The following CCDC51 variants were observed in gnomAD, a reference collection of about 807,000 sequenced individuals.
The protein encoded by CCDC51 is coiled-coil domain containing 51, also known as mitochondrial potassium channel.
Under a neutral mutation model 24.8 loss-of-function variants are expected in CCDC51, and 25 were observed. The ratio of observed to expected loss-of-function variants is 1.01; its 90% CI spans 0.73 to 1.41. The LOEUF is 1.41. CCDC51 is among the 40% of genes most tolerant of loss of function. CCDC51 has a pLI of 0.00. For synonymous variants in CCDC51, 190 were observed against 204.3 expected, an observed-to-expected ratio of 0.93 and a Z score of 0.60; for missense variants, 466 against 519.1, an observed-to-expected ratio of 0.90 and a Z score of 0.99.
upstream of CCDC51, chr3:48,440,335 G>A (rs779673719): frequency 1.2e-6 from 2 of 1,611,880 alleles, no homozygotes; most frequent in South Asian, 2.2e-5. Context: ...GAACCGTGAG[G>A]ACTGCGGGGA....
At chr3:48,445,664 C>G in the CCDC51 span, among the ~76,000 whole-genome samples, 1 of 152,236 alleles carries the variant, frequency 6.6e-6, no homozygotes, top group African/African-American at 2.4e-5. Context: ...CTACCAGTTG[C>G]TCCAAAAAAT....
chr3:48,443,838 TC>T (rs1343095656), upstream of CCDC51: 19 of 1,561,430 alleles, frequency 1.2e-5, no homozygotes, highest in East Asian at 1.2e-4. Flanking sequence ...TGACTATTTT[TC>T]TTTTGCAGCC....
At position 48,433,308 on chromosome 3, in the gene CCDC51, A is replaced by G. The variant is rs1338126061; in HGVS notation, c.478-142T>C. 6 of 813,412 alleles carry G rather than the reference A, an allele frequency of 7.4e-6. No individual in the cohort carries two copies. Among genetic ancestry groups the G allele is most frequent in the Admixed American group, 2.8e-5 (1 of 36,144 alleles). The allele number at this position is 813,412 out of a possible 1,614,324, so 50.4% of individuals were successfully genotyped here. A position where few individuals can be genotyped will look rare whatever the true frequency, so the allele number is the denominator to read the frequency against. Reference sequence around the variant, plus strand: ...ATGCTGAATGAATGAAGGTAGCACCAACCTGGCTGGGTCAGAAGGGCAAAG... The same window carrying G: ...ATGCTGAATGAATGAAGGTAGCACCGACCTGGCTGGGTCAGAAGGGCAAAG... On this transcript the variant is annotated intron_variant, in intron 3 of 3. Transcript: ENST00000395694. The surrounding 1 kb of genome is among the most constrained non-coding windows in gnomAD (Gnocchi z 4.4).
rs1371592148 is a variant in CCDC51, at chr3:48,433,217, G to A, written c.478-51C>T. On this transcript the variant is annotated intron_variant, in intron 3 of 3. Coordinates refer to ENST00000395694, the MANE Select transcript of CCDC51 (RefSeq NM_001256964.2). This position sits in a 1 kb window ranked among gnomAD's most constrained non-coding sequence, Gnocchi z 4.4. ...GATTACATGGGCACAAGGTGGCCCT[G>A]CAGCTATAGCCACCAGCAGATGGCT... The A allele has an allele frequency of 2.6e-6, 4 of 1,554,302 alleles. No individual in the cohort carries two copies. The highest frequency in any genetic ancestry group is 2.4e-5 in the South Asian group (2 of 84,828).
At chr3:48,444,456 TAGAG>T (rs1394423372), upstream of CCDC51, among the ~76,000 whole-genome samples, 4 of 152,252 alleles carry the variant, frequency 2.6e-5, no homozygotes, top group East Asian at 5.8e-4. Flanking sequence ...GTATTTTTAG[TAGAG>T]AGGGGTTTCA....
intron 1 of CCDC51, among the ~76,000 whole-genome samples, chr3:48,436,768 C>T (rs2039368143): frequency 6.6e-6 from 1 of 152,224 alleles, no homozygotes; most frequent in South Asian, 2.1e-4. Context: ...CCTTTCCCAG[C>T]ACCTCCTCTA....
upstream of CCDC51, among the ~76,000 whole-genome samples, chr3:48,442,077 G>A (rs1304657840): frequency 6.6e-6 from 1 of 152,050 alleles, no homozygotes; most frequent in Non-Finnish European, 1.5e-5. Flanking sequence ...TTTAAAATTA[G>A]CTGGGCGTGG....
rs554278094 is a variant in CCDC51 at position 48,437,786 on chromosome 3, C to G, written c.-9+2202G>C. The G allele has an allele frequency of 6.6e-6, 1 of 152,050 alleles. No individual in the cohort carries two copies. The highest frequency in any genetic ancestry group is 1.9e-4 in the East Asian group (1 of 5,184). The allele number at this position is 152,050 out of a possible 1,614,324, so 9.4% of individuals were successfully genotyped here. ...GAACTTCCACAAACTCCCACCATACCTTCCCAACCATCAGTAACTGCCCCA... is the reference window on the plus strand; with the variant it reads ...GAACTTCCACAAACTCCCACCATACGTTCCCAACCATCAGTAACTGCCCCA... On this transcript the variant is annotated intron_variant, in intron 1 of 3. Transcript: ENST00000395694. The surrounding 1 kb of genome is among the most constrained non-coding windows in gnomAD (Gnocchi z 4.2).
At chr3:48,446,057 T>G in the CCDC51 span, among the ~76,000 whole-genome samples, 2 of 152,078 alleles carry the variant, frequency 1.3e-5, no homozygotes, top group Non-Finnish European at 2.9e-5. Context: ...TGACTCAACT[T>G]GTAGGACAGC....
At chr3:48,438,959 G>T (rs2039458938) in intron 1 of CCDC51, among the ~76,000 whole-genome samples, 1 of 152,100 alleles carries the variant, frequency 6.6e-6, no homozygotes, top group Non-Finnish European at 1.5e-5. Context: ...GGACCTTCTT[G>T]AAGTTGCTGG....
At chr3:48,445,801 G>GAA in the CCDC51 span, among the ~76,000 whole-genome samples, 2 of 152,306 alleles carry the variant, frequency 1.3e-5, no homozygotes, top group South Asian at 4.1e-4. Context: ...AGGTAAGGCT[G>GAA]AAAGAGTCTT....
chr3:48,440,116 G>C lies in CCDC51; in HGVS notation c.-137C>G, dbSNP rs1221148235. ...CGTACCTGGCGTGGCCCGACCAATC[G>C]TCTGCCACTCAGTTGACCTCTGACC... On this transcript the variant is annotated 5_prime_UTR_variant, in exon 1 of 4. Transcript: ENST00000395694. 9.9e-7 allele frequency: 1 copy of C among 1,006,792 alleles called. No individual in the cohort carries two copies. The highest frequency in any genetic ancestry group is 1.4e-6 in the Non-Finnish European group (1 of 709,558). 62.4% of individuals were successfully genotyped at this position (1,006,792 alleles called of 1,614,324 possible).
At chr3:48,443,343 T>C (rs1311059779), upstream of CCDC51, among the ~76,000 whole-genome samples, 1 of 150,654 alleles carries the variant, frequency 6.6e-6, no homozygotes, top group African/African-American at 2.4e-5. Flanking sequence ...AGGTCAGGAG[T>C]TCGAGACCAG....
chr3:48,440,512 T>G, upstream of CCDC51: 2 of 1,606,616 alleles, frequency 1.2e-6, no homozygotes, highest in Non-Finnish European at 1.7e-6. Context: ...GAGACAGGCC[T>G]GAGTTGAACA....
intron 1 of CCDC51, among the ~76,000 whole-genome samples, chr3:48,436,366 G>C (rs72925228): frequency 0.014 from 2,135 of 152,332 alleles, 54 homozygotes; most frequent in African/African-American, 0.048. Context: ...GCTAAGAACT[G>C]TCTTTGGAGA....
At chr3:48,440,733 C>T (rs148905072), upstream of CCDC51, 1 of 964,864 alleles carries the variant, frequency 1.0e-6, no homozygotes, top group African/African-American at 1.6e-5. Flanking sequence ...TGCGAGGTCT[C>T]GTTTTCCGAC....
At chr3:48,436,931 A>C (rs2039373388) in intron 1 of CCDC51, among the ~76,000 whole-genome samples, 1 of 152,150 alleles carries the variant, frequency 6.6e-6, no homozygotes, top group Non-Finnish European at 1.5e-5. Flanking sequence ...CAAAAATCAG[A>C]TTACATCCCT....
In CCDC51 at chr3:48,435,002, G is replaced by A; in HGVS notation, c.127C>T (p.Gln43Ter). The change falls in exon 2 of 4, where the codon CAG becomes TAG. Residue 43 changes from glutamine (Q) to a stop codon, truncating the protein, a stop_gained. Transcript: ENST00000395694. LOFTEE classifies it high-confidence loss of function. This position sits in a 1 kb window ranked among gnomAD's most constrained non-coding sequence, Gnocchi z 4.2. ...TCCTCAGGTCTTTTCTCTCCGGGCTGGCTTGGGCCTGGGCTGCAGAGAGTC... is the reference window on the plus strand; with the variant it reads ...TCCTCAGGTCTTTTCTCTCCGGGCTAGCTTGGGCCTGGGCTGCAGAGAGTC... ...TRTLCSPGPSQPGEKRPEEVA... is the reference protein window; with the variant it reads ...TRTLCSPGPS 6.2e-7 allele frequency: 1 copy of A among 1,614,242 alleles called. No individual in the cohort carries two copies. The highest frequency in any genetic ancestry group is 1.7e-5 in the Admixed American group (1 of 60,034).
At chr3:48,441,485 CT>C (rs35268029), upstream of CCDC51, among the ~76,000 whole-genome samples, 4,012 of 145,458 alleles carry the variant, frequency 0.028, 157 homozygotes, top group African/African-American at 0.093. Flanking sequence ...ACCTGGCCAA[CT>C]TTTTTTTTTT....
Sources: gnomAD v4.1 joint callset for allele counts (sites outside exome capture counted in the v4.1 genomes callset) on GRCh38, gnomAD v4.1.1 for gene constraint, Gnocchi (gnomAD v3.1) non-coding constraint, MANE v1.5 for transcripts, NCBI Gene and HGNC (gene_info 2026-07-23, HGNC 2026-07-21) for gene names.